The following ARHGAP10 variants were observed in gnomAD, a reference collection of about 807,000 sequenced individuals.
ARHGAP10 encodes rho GTPase-activating protein 10.
In ARHGAP10, 87 loss-of-function variants were observed where a neutral mutation model predicts 108.6. The ratio of observed to expected loss-of-function variants is 0.80; its 90% CI spans 0.67 to 0.96. ARHGAP10 has a LOEUF of 0.96. Among genes scored for constraint, ARHGAP10 ranks in the 40% least tolerant of loss-of-function variants. ARHGAP10 has a pLI of 0.00. For synonymous variants in ARHGAP10, 347 were observed against 341.1 expected (o/e 1.02, Z -0.19); for missense variants, 939 against 954.5 (o/e 0.98, Z 0.21).
At chr4:147,797,825 T>G (rs893855723) in intron 1 of ARHGAP10, among the ~76,000 whole-genome samples, 1 of 152,216 alleles carries the variant, frequency 6.6e-6, no homozygotes, top group Non-Finnish European at 1.5e-5. Flanking sequence ...GAGTTAATTG[T>G]GCCCTCTGCT....
intron 11 of ARHGAP10, among the ~76,000 whole-genome samples, chr4:147,907,942 A>C (rs777691868): frequency 6.6e-6 from 1 of 152,148 alleles, no homozygotes; most frequent in Non-Finnish European, 1.5e-5. Flanking sequence ...TCCTGGGTTT[A>C]AGTGATTCTC....
intron 1 of ARHGAP10, among the ~76,000 whole-genome samples, chr4:147,760,379 G>A (rs533778887): frequency 6.6e-6 from 1 of 152,328 alleles, no homozygotes; most frequent in Non-Finnish European, 1.5e-5. Context: ...AGCTTGTCCA[G>A]ATTTATCAGG....
intron 18 of ARHGAP10, among the ~76,000 whole-genome samples, chr4:147,996,752 G>C (rs1740493115): frequency 6.6e-6 from 1 of 152,174 alleles, no homozygotes; most frequent in Admixed American, 6.5e-5. Flanking sequence ...TTGAAGGCAG[G>C]GTCTTGAAGG....
intron 18 of ARHGAP10, among the ~76,000 whole-genome samples, chr4:147,988,547 T>G (rs757574592): frequency 2.0e-5 from 3 of 152,174 alleles, no homozygotes; most frequent in Non-Finnish European, 4.4e-5. Context: ...TGATGAGAGC[T>G]TTGGGTTCTG....
rs572539783 is a variant in ARHGAP10 at position 147,971,887 on chromosome 4, A to G, written c.1716+5048A>G. On this transcript the variant is annotated intron_variant, in intron 18 of 22. Transcript: ENST00000336498. ...AGGTTATTTGGCATAGTCGAAGGGC[A>G]TGGGAGTGAGAATGGGGAGTTCCAG... Among the ~76,000 whole-genome samples the G allele has an allele frequency of 1.1e-3, 169 of 152,272 alleles. 1 individual carries two copies. Among genetic ancestry groups the G allele is most frequent in the African/African-American group, 3.8e-3 (158 of 41,572 alleles).
chr4:147,990,943 G>A lies in ARHGAP10; in HGVS notation c.1716+24104G>A, dbSNP rs894743982. On this transcript the variant is annotated intron_variant, in intron 18 of 22. Transcript: ENST00000336498. ...AGGTGGGAGGATTACTTGGGACCAG[G>A]AGGTCGAGGCTGCAGTGAGCCATGA... Among the ~76,000 whole-genome samples, 5 of 152,010 alleles carry A rather than the reference G, an allele frequency of 3.3e-5. No individual in the cohort carries two copies. The South Asian group carries it at 8.3e-4, about 25-fold the overall frequency.
chr4:148,035,074 G>C (rs1728313816), intron 19 of ARHGAP10, among the ~76,000 whole-genome samples: 1 of 152,174 alleles, frequency 6.6e-6, no homozygotes, highest in South Asian at 2.1e-4. Context: ...GTGGTTCCTG[G>C]AGTTGTAACC....
chr4:147,831,171 C>T (rs1732941928), intron 3 of ARHGAP10, among the ~76,000 whole-genome samples: 1 of 152,206 alleles, frequency 6.6e-6, no homozygotes, highest in South Asian at 2.1e-4. Flanking sequence ...GCTGGCAATC[C>T]TTTCCTTAGG....
intron 1 of ARHGAP10, among the ~76,000 whole-genome samples, chr4:147,758,744 C>T (rs542461269): frequency 3.6e-4 from 55 of 151,400 alleles, no homozygotes; most frequent in Non-Finnish European, 7.2e-4. Context: ...TTTGGGAGGC[C>T]GAGGCAGGAG....
chr4:147,743,248 T>C (rs1328016270), intron 1 of ARHGAP10, among the ~76,000 whole-genome samples: 1 of 152,054 alleles, frequency 6.6e-6, no homozygotes, highest in Non-Finnish European at 1.5e-5. Flanking sequence ...TTGACCAGGA[T>C]GGTCTCGAAT....
At chr4:147,732,854 C>G (rs1728277728) in intron 1 of ARHGAP10, among the ~76,000 whole-genome samples, 1 of 152,194 alleles carries the variant, frequency 6.6e-6, no homozygotes, top group East Asian at 1.9e-4. Flanking sequence ...ATCTGTTTGC[C>G]TAGTTTTGTT....
chr4:147,791,314 G>A (rs892794588), intron 1 of ARHGAP10, among the ~76,000 whole-genome samples: 1 of 151,896 alleles, frequency 6.6e-6, no homozygotes, highest in Non-Finnish European at 1.5e-5. Flanking sequence ...GTTTTGCTAT[G>A]TTGGCCAGGC....
intron 1 of ARHGAP10, among the ~76,000 whole-genome samples, chr4:147,750,397 G>A (rs1167308776): frequency 6.6e-6 from 1 of 152,052 alleles, no homozygotes; most frequent in Non-Finnish European, 1.5e-5. Flanking sequence ...GAATGGAACG[G>A]GATTAATACA....
intron 19 of ARHGAP10, among the ~76,000 whole-genome samples, chr4:148,041,869 C>T (rs1263543618): frequency 6.6e-6 from 1 of 152,220 alleles, no homozygotes; most frequent in East Asian, 1.9e-4. Flanking sequence ...AACAATATTG[C>T]TTTAAAGAAA....
chr4:147,751,891 T>G (rs1249849413), intron 1 of ARHGAP10, among the ~76,000 whole-genome samples: 1 of 149,836 alleles, frequency 6.7e-6, no homozygotes, highest in Non-Finnish European at 1.5e-5. Flanking sequence ...TAGTTTTTTT[T>G]TTTTTTTTTT....
At chr4:148,014,273 T>A (rs1158118651) in intron 18 of ARHGAP10, among the ~76,000 whole-genome samples, 1 of 152,230 alleles carries the variant, frequency 6.6e-6, no homozygotes, top group African/African-American at 2.4e-5. Context: ...ACATTTGGGT[T>A]ATGAAAGTCA....
intron 18 of ARHGAP10, among the ~76,000 whole-genome samples, chr4:147,997,126 T>A (rs1740507265): frequency 6.6e-6 from 1 of 152,218 alleles, no homozygotes; most frequent in South Asian, 2.1e-4. Context: ...TTCAAGAAGT[T>A]GTCACCCCTG....
chr4:147,980,050 TG>T (rs1378403443), intron 18 of ARHGAP10, among the ~76,000 whole-genome samples: 1 of 152,212 alleles, frequency 6.6e-6, no homozygotes, highest in East Asian at 1.9e-4. Flanking sequence ...CTGATTGCTC[TG>T]GGTAGGACTT....
chr4:147,885,804 T>C (rs1340244661), intron 10 of ARHGAP10, among the ~76,000 whole-genome samples: 3 of 152,220 alleles, frequency 2.0e-5, no homozygotes, highest in African/African-American at 4.8e-5. Flanking sequence ...CCATCCATTC[T>C]CATGGTTTCA....
Sources: gnomAD v4.1 joint callset for allele counts (sites outside exome capture counted in the v4.1 genomes callset) on GRCh38, gnomAD v4.1.1 for gene constraint, MANE v1.5 for transcripts, NCBI Gene and HGNC (gene_info 2026-07-23, HGNC 2026-07-21) for gene names.